Variants in PTPRC observed in about 807,000 individuals in gnomAD.
PTPRC encodes the protein receptor-type tyrosine-protein phosphatase C.
A neutral mutation model predicts 155.9 loss-of-function variants in PTPRC; 44 were observed. That is an observed-to-expected ratio of 0.28 (90% confidence interval 0.22 to 0.36). The LOEUF (loss-of-function observed/expected upper bound fraction) is 0.36. PTPRC is among the 10% of genes least tolerant of loss of function. PTPRC has a pLI of 1.00. For missense variants in PTPRC, 1,401 were observed against 1,564.6 expected (o/e 0.90, Z 1.76); for synonymous variants, 525 against 533.1 (o/e 0.98, Z 0.21).
chr1:198,685,915 G>C (rs958387033), intron 2 of PTPRC, among the ~76,000 whole-genome samples: 2 of 151,786 alleles, frequency 1.3e-5, no homozygotes, highest in Non-Finnish European at 2.9e-5. Flanking sequence ...GAACTAGACA[G>C]GTTTAAATTC....
intron 5 of PTPRC, among the ~76,000 whole-genome samples, chr1:198,700,562 C>G (rs1347551549): frequency 6.6e-6 from 1 of 152,198 alleles, no homozygotes; most frequent in Non-Finnish European, 1.5e-5. Context: ...CCTCACCTTC[C>G]TCATTCCATC....
chr1:198,744,300 C>T (rs1465763756), intron 26 of PTPRC, 97 bp downstream of exon 26: 2 of 1,237,198 alleles, frequency 1.6e-6, no homozygotes, highest in African/African-American at 1.5e-5. Flanking sequence ...ATAGTGCTTG[C>T]ATTTAGTCTT....
intron 2 of PTPRC, among the ~76,000 whole-genome samples, chr1:198,656,645 TG>T (rs1440329928): frequency 0.022 from 1,971 of 90,606 alleles, 63 homozygotes; most frequent in Admixed American, 0.076. Flanking sequence ...ACTAGTTTTT[TG>T]TTTTTTGTTT....
At chr1:198,699,302 G>T (rs574744653) in intron 4 of PTPRC, among the ~76,000 whole-genome samples, 2 of 152,300 alleles carry the variant, frequency 1.3e-5, no homozygotes, top group African/African-American at 4.8e-5. Context: ...TGATGTGAAA[G>T]TCAATAAAGC....
At chr1:198,681,138 A>C (rs1665301391) in intron 2 of PTPRC, among the ~76,000 whole-genome samples, 1 of 151,776 alleles carries the variant, frequency 6.6e-6, no homozygotes, top group Non-Finnish European at 1.5e-5. Flanking sequence ...CCCAATATGA[A>C]TTTTCCCAAA....
chr1:198,749,172 C>T (rs187517969), intron 27 of PTPRC, among the ~76,000 whole-genome samples: 2 of 151,548 alleles, frequency 1.3e-5, no homozygotes, highest in East Asian at 3.9e-4. Context: ...GATATGATAT[C>T]TCTTTGTTGT....
At chr1:198,700,016 A>G in intron 5 of PTPRC, 2 of 453,462 alleles carry the variant, frequency 4.4e-6, no homozygotes, top group East Asian at 9.1e-5. Context: ...GTTAGAAGTA[A>G]GAAATAATAT....
intron 8 of PTPRC, among the ~76,000 whole-genome samples, chr1:198,705,792 G>A (rs1652926463): frequency 6.6e-6 from 1 of 151,886 alleles, no homozygotes; most frequent in South Asian, 2.1e-4. Flanking sequence ...CTCTACAATT[G>A]GAATTCTGCT....
intron 13 of PTPRC, among the ~76,000 whole-genome samples, chr1:198,717,605 T>C (rs1251063920): frequency 2.0e-5 from 3 of 152,250 alleles, no homozygotes; most frequent in African/African-American, 7.2e-5. Flanking sequence ...TGGAGCTCTA[T>C]GCTTTTGTTG....
At position 198,651,773 on chromosome 1, in the gene PTPRC, A is replaced by G. The variant is rs1002507352; in HGVS notation, c.73+12432A>G. ...AAAATTTACTGGTTGTCATATCCTA[A>G]AAGGGAATAGTTCAATTTAATTTTC... is the stretch of plus-strand genomic sequence containing the variant. On this transcript the variant is annotated intron_variant, in intron 2 of 32. Transcript: ENST00000442510. 8.6e-5 allele frequency among the ~76,000 whole-genome samples: 13 copies of G among 151,794 alleles called. 1 individual carries two copies. Among genetic ancestry groups the G allele is most frequent in the Non-Finnish European group, 7.4e-5 (5 of 67,848 alleles).
At chr1:198,750,759 C>A in intron 29 of PTPRC, 133 bp downstream of exon 29, 1 of 1,182,306 alleles carries the variant, frequency 8.5e-7, no homozygotes, top group Non-Finnish European at 1.2e-6. Flanking sequence ...TCTGCTCAGT[C>A]TTACCCCTTT....
chr1:198,706,494 G>C (rs952803846), intron 8 of PTPRC, among the ~76,000 whole-genome samples: 13 of 152,150 alleles, frequency 8.5e-5, no homozygotes, highest in African/African-American at 3.1e-4. Flanking sequence ...TCCAAGTCCA[G>C]CTAGGAAGAC....
Position 198,755,913 on chromosome 1 carries a change from A to G in PTPRC, c.3653A>G (p.Tyr1218Cys), listed in dbSNP as rs773057370. The G allele has an allele frequency of 1.2e-6, 2 of 1,610,030 alleles. No homozygotes were observed. The highest frequency in any genetic ancestry group is 2.2e-5 in the East Asian group (1 of 44,772). Residue 1218 changes from tyrosine to cysteine, a missense_variant, in exon 33 of 33, where the codon TAT (tyrosine) becomes TGT (cysteine). By Grantham distance (194) the Tyr-to-Cys change is radical (BLOSUM62 -2). This residue lies in a region of PTPRC where 400 missense variants were observed against 389.5 expected (regional missense o/e 1.03). Coordinates refer to ENST00000442510, the MANE Select transcript of PTPRC (RefSeq NM_002838.5). ...RPGMVSTFEQ[Y>C]QFLYDVIAST... is the part of the protein sequence containing the mutation. ...ACTTAATTCCTTTACTAGGAGCAAT[A>G]TCAATTCCTATATGACGTCATTGCC...
chr1:198,703,403 C>A, intron 7 of PTPRC, 31 bp downstream of exon 7: 2 of 1,609,952 alleles, frequency 1.2e-6, no homozygotes, highest in African/African-American at 2.7e-5. Context: ...GCAGCCACAC[C>A]ATCCCCATGT....
chr1:198,683,444 A>G (rs1571828558), intron 2 of PTPRC, among the ~76,000 whole-genome samples: 1 of 152,278 alleles, frequency 6.6e-6, no homozygotes, highest in Non-Finnish European at 1.5e-5. Context: ...ATATTGCATA[A>G]ATCAGGTATA....
At chr1:198,678,757 T>TC (rs1346652244) in intron 2 of PTPRC, among the ~76,000 whole-genome samples, 1 of 152,062 alleles carries the variant, frequency 6.6e-6, no homozygotes, top group African/African-American at 2.4e-5. Flanking sequence ...TTTTTCTTTT[T>TC]TTTTTTGTAA....
At chr1:198,686,552 A>G (rs1314992292) in intron 2 of PTPRC, among the ~76,000 whole-genome samples, 1 of 152,208 alleles carries the variant, frequency 6.6e-6, no homozygotes, top group Non-Finnish European at 1.5e-5. Flanking sequence ...TTACTTTGAG[A>G]AATAGTGATG....
At chr1:198,693,723 G>A (rs1475460032) in intron 3 of PTPRC, among the ~76,000 whole-genome samples, 1 of 152,190 alleles carries the variant, frequency 6.6e-6, no homozygotes, top group Non-Finnish European at 1.5e-5. Flanking sequence ...TGTGGAATTG[G>A]CAATTGAGTC....
At chr1:198,669,462 CT>C (rs1471822099) in intron 2 of PTPRC, among the ~76,000 whole-genome samples, 2 of 152,046 alleles carry the variant, frequency 1.3e-5, no homozygotes, top group African/African-American at 4.8e-5. Flanking sequence ...CTATTTACTT[CT>C]TTTGAAAAAA....
Sources: allele counts gnomAD v4.1 joint callset (sites outside exome capture counted in the v4.1 genomes callset), GRCh38; gene constraint gnomAD v4.1.1; regional missense constraint gnomAD v4.1.1; transcripts MANE v1.5; gene names NCBI Gene and HGNC (gene_info 2026-07-23, HGNC 2026-07-21).